PSD: variants seen among roughly 807,000 people sequenced by gnomAD.
PSD encodes the protein pleckstrin and Sec7 domain containing, also known as PH and SEC7 domain-containing protein 1.
Under a neutral mutation model 91.6 loss-of-function variants are expected in PSD, and 32 were observed. The observed-to-expected ratio is 0.35, with a 90% CI of 0.26 to 0.47. The LOEUF (loss-of-function observed/expected upper bound fraction) is 0.47, where lower values mean the gene tolerates loss of function less well. PSD is among the 20% of genes least tolerant of loss of function. The probability of loss-of-function intolerance (pLI) is 1.00; values close to 1 mark genes in which losing one functional copy is unlikely to be tolerated. For synonymous variants in PSD, 532 were observed against 569.3 expected (o/e 0.93, Z 0.93); for missense variants, 1,099 against 1,373.9 (o/e 0.80, Z 3.16).
rs1272250027 is a variant in PSD at position 102,404,612 on chromosome 10, G to C, written c.2671C>G (p.Leu891Val). The C allele has an allele frequency of 6.2e-7, 1 of 1,611,572 alleles. No homozygotes were observed. The highest frequency in any genetic ancestry group is 2.2e-5 in the East Asian group (1 of 44,880). ...GAGAGGCGGGTGGCAGCGCTGGGCA[G>C]GAGAGGGCGGCTGAACTTCTTTTGG... ...SSQKKFSRPL[L>V]PSAATRLSQE... The change falls in exon 15 of 17, where the codon CTG (leucine) becomes GTG (valine). Residue 891 changes from leucine to valine, a missense_variant. Transcript: ENST00000020673. This position sits in a 1 kb window ranked among gnomAD's most constrained non-coding sequence, Gnocchi z 5.7.
Position 102,405,311 on chromosome 10 carries a change from C to T in PSD, c.2326+35G>A, listed in dbSNP as rs2061347579. 6.2e-7 allele frequency: 1 copy of T among 1,607,814 alleles called. No homozygotes were observed. Among genetic ancestry groups the T allele is most frequent in the Admixed American group, 1.7e-5 (1 of 59,962 alleles). Reference sequence around the variant, plus strand: ...GGAACAGGCCCACTCCCATCCATCCCCTAGACGCCCGCCCCCCGCAACTCG... The same window carrying T: ...GGAACAGGCCCACTCCCATCCATCCTCTAGACGCCCGCCCCCCGCAACTCG... On this transcript the variant is annotated intron_variant, in intron 12 of 16. Coordinates refer to ENST00000020673, the MANE Select transcript of PSD (RefSeq NM_002779.5). This position sits in a 1 kb window ranked among gnomAD's most constrained non-coding sequence, Gnocchi z 5.4.
chr10:102,403,258 G>T lies in PSD; in HGVS notation c.3017C>A (p.Ala1006Asp). The T allele has an allele frequency of 6.2e-7, 1 of 1,610,150 alleles. No homozygotes were observed. Among genetic ancestry groups the T allele is most frequent in the Non-Finnish European group, 8.5e-7 (1 of 1,177,542 alleles). The change falls in exon 17 of 17, where the codon GCT (alanine) becomes GAT (aspartate). Residue 1006 changes from alanine (A) to aspartate (D), a missense_variant. Ala to Asp is a moderately radical substitution (Grantham distance 126, BLOSUM62 -2). Transcript: ENST00000020673. This position sits in a 1 kb window ranked among gnomAD's most constrained non-coding sequence, Gnocchi z 6.7. ...CCGAGGCTCTGAGCTGTGACGCTGA[G>T]CCCGGGGCTGGCTGGAGGGTTTGGG... ...LQPKPSSQPR[A>D]QRHSSEPRPG...
At position 102,405,312 on chromosome 10, in the gene PSD, C is replaced by G; in HGVS notation, c.2326+34G>C. The G allele has an allele frequency of 6.2e-7, 1 of 1,608,092 alleles. No individual in the cohort carries two copies. The highest frequency in any genetic ancestry group is 8.5e-7 in the Non-Finnish European group (1 of 1,178,626). ...GAACAGGCCCACTCCCATCCATCCCCTAGACGCCCGCCCCCCGCAACTCGG... is the reference window on the plus strand; with the variant it reads ...GAACAGGCCCACTCCCATCCATCCCGTAGACGCCCGCCCCCCGCAACTCGG... On this transcript the variant is annotated intron_variant, in intron 12 of 16. Transcript: ENST00000020673. The surrounding 1 kb of genome is among the most constrained non-coding windows in gnomAD (Gnocchi z 5.4).
rs765835682 is a variant in PSD, at chr10:102,415,135, G to A, written c.852C>T (p.Ser284=). ...GVAVGRAAKY[S]ETDLDTVPLR... ...GGGGCACCGTGTCCAGGTCTGTCTC[G>A]GAGTACTTGGCTGCTCGCCCCACAG... Residue 284 remains serine (S), a synonymous_variant, in exon 4 of 17, where the codon TCC becomes TCT. Transcript: ENST00000020673. 6.8e-6 allele frequency: 11 copies of A among 1,613,712 alleles called. No homozygotes were observed. Among genetic ancestry groups the A allele is most frequent in the Middle Eastern group, 3.3e-4 (2 of 6,062 alleles).
At position 102,416,763 on chromosome 10, in the gene PSD, G is replaced by A; in HGVS notation, c.276C>T (p.Pro92=). The change falls in exon 2 of 17, where the codon CCC becomes CCT. Residue 92 remains proline (P), a synonymous_variant. Coordinates refer to ENST00000020673, the MANE Select transcript of PSD (RefSeq NM_002779.5). The surrounding 1 kb of genome is among the most constrained non-coding windows in gnomAD (Gnocchi z 6.0). The stretch of plus-strand genomic sequence containing the variant: ...CCACAGAGCTCTGGGCCCCGGGTGG[G>A]GGCTGCCCAGTGGGTGAAGAGGGTG... ...PWAPSSPTGQ[P]PPGAQSSVVI... The A allele has an allele frequency of 6.3e-7, 1 of 1,591,826 alleles. No individual in the cohort carries two copies. Among genetic ancestry groups the A allele is most frequent in the Non-Finnish European group, 8.6e-7 (1 of 1,168,912 alleles).
chr10:102,415,733 G>A (rs1005268996), intron 3 of PSD, among the ~76,000 whole-genome samples: 4 of 152,168 alleles, frequency 2.6e-5, no homozygotes, highest in African/African-American at 9.7e-5. Flanking sequence ...AAATACTGGG[G>A]CCACTGAGCC....
chr10:102,410,961 C>A lies in PSD; in HGVS notation c.2002-14G>T, dbSNP rs2061419207. 1 of 1,612,570 alleles carries A rather than the reference C, an allele frequency of 6.2e-7. No individual in the cohort carries two copies. The highest frequency in any genetic ancestry group is 8.5e-7 in the Non-Finnish European group (1 of 1,178,582). On this transcript the variant is annotated splice_polypyrimidine_tract_variant and intron_variant, in intron 9 of 16. Transcript: ENST00000020673. This position sits in a 1 kb window ranked among gnomAD's most constrained non-coding sequence, Gnocchi z 6.0. ...CTTCCCGATGTTCTAAGGAAGGGAA[C>A]GGAGGCCTGTGAGTTTGGAGGGCCC...
At position 102,416,931 on chromosome 10, in the gene PSD, T is replaced by G; in HGVS notation, c.108A>C (p.Pro36=). Residue 36 remains proline, a synonymous_variant, in exon 2 of 17, where the codon CCA becomes CCC. Coordinates refer to ENST00000020673, the MANE Select transcript of PSD (RefSeq NM_002779.5). This position sits in a 1 kb window ranked among gnomAD's most constrained non-coding sequence, Gnocchi z 6.0. The part of the protein sequence containing the change: ...LPEGPVPQSP[P]ASMYGSTGSL... ...AGCCTGTGCTGCCATACATGCTGGCTGGGGGGCTCTGGGGCACCGGGCCTT... is the reference window on the plus strand; with the variant it reads ...AGCCTGTGCTGCCATACATGCTGGCGGGGGGGCTCTGGGGCACCGGGCCTT... The G allele has an allele frequency of 1.9e-6, 3 of 1,604,312 alleles. No homozygotes were observed. Among genetic ancestry groups the G allele is most frequent in the Non-Finnish European group, 2.5e-6 (3 of 1,179,356 alleles).
chr10:102,412,040 G>GA (rs1479578518), intron 7 of PSD, 107 bp downstream of exon 7: 6 of 1,252,200 alleles, frequency 4.8e-6, no homozygotes, highest in Non-Finnish European at 7.0e-6. Context: ...TGGGAAGGGT[G>GA]ATGTCAGGAC....
At chr10:102,418,987 GGT>G (rs1287507669), upstream of PSD, 1 of 343,434 alleles carries the variant, frequency 2.9e-6, no homozygotes, top group Non-Finnish European at 5.8e-6. Flanking sequence ...TGGAACCCCT[GGT>G]TCTATTCCCC....
At chr10:102,412,726 G>T (rs967875540) in intron 5 of PSD, 151 bp from the exon 6 acceptor site, 18 of 693,676 alleles carry the variant, frequency 2.6e-5, no homozygotes, top group African/African-American at 2.5e-4. Context: ...AAGGAGATTA[G>T]ATTCTCTCCA....
In PSD at chr10:102,416,029, G is replaced by T. The variant is rs753421045; in HGVS notation, c.745C>A (p.Pro249Thr). ...TCCCAGGCCTTACCTGAGCTGGGGG[G>T]GTCCAAGGAGCCATAGAAGAATTCC... ...KWEFFYGSLD[P>T]PSSGAKPPEQ... Residue 249 changes from proline to threonine, a missense_variant, in exon 3 of 17, where the codon CCC (proline) becomes ACC (threonine). Pro to Thr is a conservative substitution (Grantham distance 38, BLOSUM62 -1). This residue lies in a region of PSD where 631 missense variants were observed against 728.8 expected (regional missense o/e 0.87). Coordinates refer to ENST00000020673, the MANE Select transcript of PSD (RefSeq NM_002779.5). The surrounding 1 kb of genome is among the most constrained non-coding windows in gnomAD (Gnocchi z 6.0). The T allele has an allele frequency of 5.0e-6, 8 of 1,613,058 alleles. 1 individual carries two copies. Among genetic ancestry groups the T allele is most frequent in the South Asian group, 1.1e-5 (1 of 90,810 alleles).
chr10:102,408,858 C>G, intron 10 of PSD: 4 of 986,056 alleles, frequency 4.1e-6, no homozygotes, highest in Non-Finnish European at 4.8e-6. Flanking sequence ...TCGGTCGCCC[C>G]GCAACCTGGC....
chr10:102,417,475 G>A (rs1840140965), intron 1 of PSD, among the ~76,000 whole-genome samples: 1 of 152,014 alleles, frequency 6.6e-6, no homozygotes, highest in African/African-American at 2.4e-5. Context: ...TGGAAAAGGG[G>A]TGTCAGCCAG....
In PSD at chr10:102,409,290, G is replaced by C; in HGVS notation, c.2091+1568C>G. On this transcript the variant is annotated intron_variant, in intron 10 of 16. Transcript: ENST00000020673. This position sits in a 1 kb window ranked among gnomAD's most constrained non-coding sequence, Gnocchi z 5.7. ...CGCTGTCTGCTCTGCGGCTTGGCTA[G>C]AGCGGGAGGGGGGCGCCGACGGGAA... is the stretch of plus-strand genomic sequence containing the variant. 4.1e-6 allele frequency: 4 copies of C among 985,608 alleles called. No individual in the cohort carries two copies. The highest frequency in any genetic ancestry group is 4.8e-6 in the Non-Finnish European group (4 of 829,748). 61.1% of individuals were successfully genotyped at this position (985,608 alleles called of 1,614,324 possible).
In PSD at chr10:102,407,213, C is replaced by T. The variant is rs761949323; in HGVS notation, c.2135+10G>A. 1.1e-5 allele frequency: 17 copies of T among 1,602,294 alleles called. No homozygotes were observed. Among genetic ancestry groups the T allele is most frequent in the Admixed American group, 3.4e-5 (2 of 59,200 alleles). ...CCATCCTAGCCCCACCACGCAGCCC[C>T]GGGACTCACATGGCCCACTGCAGCT... is the stretch of plus-strand genomic sequence containing the variant. On this transcript the variant is annotated intron_variant, in intron 11 of 16. Coordinates refer to ENST00000020673, the MANE Select transcript of PSD (RefSeq NM_002779.5).
At chr10:102,412,596 C>G in intron 5 of PSD, 21 bp from the exon 6 acceptor site, 1 of 1,598,546 alleles carries the variant, frequency 6.3e-7, no homozygotes, top group Non-Finnish European at 8.5e-7. Context: ...AGAACACCAG[C>G]TCAGGCTGGG....
rs556393593 is a variant in PSD, at chr10:102,403,140, C to T, written c.*60G>A. The T allele has an allele frequency of 9.0e-6, 12 of 1,336,518 alleles. No homozygotes were observed. The African/African-American group carries it at 1.1e-4, about 12-fold the overall frequency. The allele number at this position is 1,336,518 out of a possible 1,614,324, so 82.8% of individuals were successfully genotyped here. On this transcript the variant is annotated 3_prime_UTR_variant, in exon 17 of 17. Coordinates refer to ENST00000020673, the MANE Select transcript of PSD (RefSeq NM_002779.5). The surrounding 1 kb of genome is among the most constrained non-coding windows in gnomAD (Gnocchi z 6.7). ...GGGTGGCCCGAGGCCGGCCCGGGCT[C>T]AGGCAGGGCCATGTCATCCTTCAGG...
rs1378493523 is a variant in PSD at position 102,416,803 on chromosome 10, G to A, written c.236C>T (p.Ala79Val). The change falls in exon 2 of 17, where the codon GCT becomes GTT. Residue 79 changes from alanine (A) to valine (V), a missense_variant. By Grantham distance (64) the Ala-to-Val change is moderately conservative (BLOSUM62 0). Transcript: ENST00000020673. The surrounding 1 kb of genome is among the most constrained non-coding windows in gnomAD (Gnocchi z 6.0). ...TGAAGAGGGTGCCCAGGGTGAGGGA[G>A]CAACACGGGGTGAGGGGGGGCCACG... ...PLRGPPSPRV[A>V]PSPWAPSSPT... 2 of 1,598,038 alleles carry A rather than the reference G, an allele frequency of 1.3e-6. No individual in the cohort carries two copies. Among genetic ancestry groups the A allele is most frequent in the East Asian group, 2.2e-5 (1 of 44,726 alleles).
Sources: allele counts gnomAD v4.1 joint callset (sites outside exome capture counted in the v4.1 genomes callset), GRCh38; gene constraint gnomAD v4.1.1; regional missense constraint gnomAD v4.1.1; non-coding constraint Gnocchi (gnomAD v3.1); transcripts MANE v1.5; gene names NCBI Gene and HGNC (gene_info 2026-07-23, HGNC 2026-07-21).